ABCA6: variants seen among roughly 807,000 people sequenced by gnomAD.
The protein encoded by ABCA6 is ATP-binding cassette sub-family A member 6.
A neutral mutation model predicts 191.2 loss-of-function variants in ABCA6; 164 were observed. The ratio of observed to expected loss-of-function variants is 0.86; its 90% CI spans 0.76 to 0.98. The LOEUF is 0.98. Ranked by LOEUF, ABCA6 falls within the 50% of genes least tolerant of loss-of-function variation. The pLI, the probability that ABCA6 is intolerant of heterozygous loss-of-function variation, is 0.00. For missense variants in ABCA6, 1,958 were observed against 1,894.1 expected (o/e 1.03, Z -0.63); for synonymous variants, 636 against 647.7 (o/e 0.98, Z 0.27).
At chr17:69,125,523 T>C (rs2073734383) in intron 8 of ABCA6, among the ~76,000 whole-genome samples, 1 of 152,128 alleles carries the variant, frequency 6.6e-6, no homozygotes, top group Admixed American at 6.6e-5. Context: ...TCCCATTTAA[T>C]CTTCCTTAAA....
At chr17:69,094,066 T>A (rs1041706222) in intron 25 of ABCA6, among the ~76,000 whole-genome samples, 2 of 152,178 alleles carry the variant, frequency 1.3e-5, no homozygotes, top group African/African-American at 2.4e-5. Flanking sequence ...CGTGTATGTG[T>A]TTTGATTTTA....
Position 69,096,645 on chromosome 17 carries a change from G to C in ABCA6, c.3277C>G (p.Gln1093Glu). The C allele has an allele frequency of 6.5e-7, 1 of 1,535,620 alleles. No individual in the cohort carries two copies. The part of the protein sequence containing the change: ...ENMQYLLITS[Q>E]IVFALVIVTP... ...TTACTTACCAAAGCAAACACAATTT[G>C]GCTTGTAATAAGAAGGTACTGCATG... The change falls in exon 24 of 39, where the codon CAA becomes GAA. Residue 1093 changes from glutamine (Q) to glutamate (E), a missense_variant. Transcript: ENST00000284425.
intron 1 of ABCA6, among the ~76,000 whole-genome samples, 193 bp from the exon 2 acceptor site, chr17:69,140,941 T>C (rs1265637221): frequency 1.3e-5 from 2 of 152,080 alleles, no homozygotes; most frequent in South Asian, 4.1e-4. Context: ...GTGATTATTA[T>C]CACAATTTTG....
chr17:69,128,864 T>A (rs9896564), intron 7 of ABCA6, 60 bp from the exon 8 acceptor site: 1 of 1,333,356 alleles, frequency 7.5e-7, no homozygotes, highest in Non-Finnish European at 1.0e-6. Flanking sequence ...TGAGAATCAT[T>A]GGCAGCCCAA....
chr17:69,128,544 G>T, intron 8 of ABCA6, 75 bp downstream of exon 8: 1 of 1,148,752 alleles, frequency 8.7e-7, no homozygotes, highest in Non-Finnish European at 1.2e-6. Context: ...AGTTTGAGTA[G>T]TGCTGATCCT....
chr17:69,102,160 A>G (rs1271776316), intron 21 of ABCA6, among the ~76,000 whole-genome samples: 3 of 152,160 alleles, frequency 2.0e-5, no homozygotes, highest in African/African-American at 4.8e-5. Flanking sequence ...AGCCTGGCCA[A>G]CATGATGAAA....
At position 69,102,871 on chromosome 17, in the gene ABCA6, TGA is replaced by T; in HGVS notation, c.2836_2837del (p.Ser946IlefsTer10). ...FENRNGTDGLSYNGAIIVSGK... is the reference protein window; with the variant it reads ...FENRNGTDGLXYNGAIIVSGK... Reference sequence around the variant, plus strand: ...CAGAAACTATGATAGCTCCATTGTATGAGAGGCCATCAGTACCATTTCTGTTT... The same window carrying T: ...CAGAAACTATGATAGCTCCATTGTATGAGGCCATCAGTACCATTTCTGTTT... On this transcript the variant is annotated frameshift_variant, in exon 21 of 39. Transcript: ENST00000284425. LOFTEE classifies it high-confidence loss of function. 1 of 1,599,462 alleles carries T rather than the reference TGA, an allele frequency of 6.3e-7. No individual in the cohort carries two copies. Among genetic ancestry groups the T allele is most frequent in the Non-Finnish European group, 8.5e-7 (1 of 1,175,618 alleles).
At chr17:69,140,563 C>T in intron 2 of ABCA6, 45 bp downstream of exon 2, 1 of 1,268,708 alleles carries the variant, frequency 7.9e-7, no homozygotes, top group Admixed American at 2.1e-5. Flanking sequence ...TAATGAAACA[C>T]TGTAAGAGTG....
intron 20 of ABCA6, chr17:69,104,677 A>AAAC (rs2073254688): frequency 6.6e-6 from 1 of 151,062 alleles, no homozygotes; most frequent in Non-Finnish European, 1.5e-5. Context: ...AAAAACAAAA[A>AAAC]AACAATTACT....
rs1292034290 is a variant in ABCA6, at chr17:69,115,390, G to C, written c.1592C>G (p.Ser531Cys). 1 of 1,608,368 alleles carries C rather than the reference G, an allele frequency of 6.2e-7. No individual in the cohort carries two copies. Among genetic ancestry groups the C allele is most frequent in the African/African-American group, 1.3e-5 (1 of 74,730 alleles). Residue 531 changes from serine to cysteine, a missense_variant, in exon 12 of 39, where the codon TCT (serine) becomes TGT (cysteine). Coordinates refer to ENST00000284425, the MANE Select transcript of ABCA6 (RefSeq NM_080284.3). Reference sequence around the variant, plus strand: ...TTTTTACTCACCTTCTGTTGGAACAGACAATCCATTAAGAATATTTAGCAG... The same window carrying C: ...TTTTTACTCACCTTCTGTTGGAACACACAATCCATTAAGAATATTTAGCAG... ...SSLLNILNGL[S>C]VPTEGSVTIY...
chr17:69,127,193 T>C (rs965676442), intron 8 of ABCA6, among the ~76,000 whole-genome samples: 1 of 152,188 alleles, frequency 6.6e-6, no homozygotes, highest in Non-Finnish European at 1.5e-5. Flanking sequence ...GTCAATATTC[T>C]AGAAAAACAG....
intron 23 of ABCA6, 102 bp downstream of exon 23, chr17:69,097,818 C>T (rs1228934491): frequency 1.1e-5 from 8 of 745,944 alleles, no homozygotes; most frequent in Non-Finnish European, 1.2e-5. Flanking sequence ...ATTAAACATA[C>T]ATTCAAATGT....
In ABCA6 at chr17:69,079,280, A is replaced by G; in HGVS notation, c.4697-15T>C. The G allele has an allele frequency of 6.3e-7, 1 of 1,598,854 alleles. No homozygotes were observed. ...GTTATGCTTCACTGGAGGAAAAAAA[A>G]GACTAGTATTAATAGTAGATGCTTA... On this transcript the variant is annotated splice_polypyrimidine_tract_variant and intron_variant, in intron 37 of 38. Transcript: ENST00000284425.
intron 23 of ABCA6, 31 bp from the exon 24 acceptor site, chr17:69,096,832 GT>G: frequency 6.8e-7 from 1 of 1,462,290 alleles, no homozygotes; most frequent in Non-Finnish European, 9.1e-7. Flanking sequence ...AGAAAGAAAT[GT>G]ATATAGATTC....
intron 21 of ABCA6, among the ~76,000 whole-genome samples, chr17:69,101,938 G>C (rs1381003660): frequency 2.0e-5 from 3 of 152,224 alleles, no homozygotes; most frequent in African/African-American, 4.8e-5. Context: ...AACTTCAAAG[G>C]CTTTTCTTTT....
intron 26 of ABCA6, 64 bp downstream of exon 26, chr17:69,091,079 T>C (rs560362355): frequency 6.6e-7 from 1 of 1,524,524 alleles, no homozygotes; most frequent in East Asian, 2.3e-5. Flanking sequence ...TCTCTTGATC[T>C]GGGAAAAGCA....
intron 36 of ABCA6, among the ~76,000 whole-genome samples, chr17:69,082,162 GT>G (rs1336061629): frequency 6.6e-6 from 1 of 152,102 alleles, no homozygotes; most frequent in East Asian, 1.9e-4. Flanking sequence ...AAAGTTACAT[GT>G]TCTGATATCT....
At chr17:69,135,551 C>T (rs1238626458) in intron 4 of ABCA6, 1 of 155,788 alleles carries the variant, frequency 6.4e-6, no homozygotes, top group Non-Finnish European at 1.4e-5. Flanking sequence ...GTTCCTTGTT[C>T]AGCTATACTG....
chr17:69,105,890 G>T, intron 19 of ABCA6, 138 bp downstream of exon 19: 1 of 968,944 alleles, frequency 1.0e-6, no homozygotes, highest in Non-Finnish European at 1.5e-6. Flanking sequence ...TATTCCCACT[G>T]TCAGAAAAAT....
Sources: gnomAD v4.1 joint callset for allele counts (sites outside exome capture counted in the v4.1 genomes callset) on GRCh38, gnomAD v4.1.1 for gene constraint, MANE v1.5 for transcripts, NCBI Gene and HGNC (gene_info 2026-07-23, HGNC 2026-07-21) for gene names.